The following BSDC1 variants were observed in gnomAD, a reference collection of about 807,000 sequenced individuals.
BSDC1 encodes the protein BSD domain-containing protein 1.
Under a neutral mutation model 56.0 loss-of-function variants are expected in BSDC1, and 29 were observed. The observed-to-expected ratio is 0.52, with a 90% CI of 0.39 to 0.71. The LOEUF is 0.71. Among genes scored for constraint, BSDC1 ranks in the 30% least tolerant of loss-of-function variants. The pLI is 0.00. For missense variants in BSDC1, 477 were observed against 548.5 expected (o/e 0.87, Z 1.30); for synonymous variants, 210 against 215.3 (o/e 0.98, Z 0.21).
chr1:32,387,490 C>T (rs1271888140), intron 2 of BSDC1, among the ~76,000 whole-genome samples: 5 of 152,048 alleles, frequency 3.3e-5, no homozygotes, highest in African/African-American at 4.8e-5. Flanking sequence ...TACAGGCATG[C>T]GCCACCACGC....
chr1:32,386,674 T>A (rs1167217873), intron 3 of BSDC1, 105 bp downstream of exon 3: 1 of 685,686 alleles, frequency 1.5e-6, no homozygotes, highest in East Asian at 3.0e-5. Context: ...TCCACATATT[T>A]TTCCCCATAT....
At chr1:32,369,471 T>C in intron 9 of BSDC1, 5 of 350,272 alleles carry the variant, frequency 1.4e-5, no homozygotes, top group South Asian at 1.2e-4. Flanking sequence ...ATCATGCCAC[T>C]GCAGTCCAGC....
chr1:32,373,520 T>C (rs1259858343), intron 9 of BSDC1, among the ~76,000 whole-genome samples: 1 of 152,160 alleles, frequency 6.6e-6, no homozygotes, highest in Non-Finnish European at 1.5e-5. Flanking sequence ...ATATACTTTC[T>C]TTTCTTTCCT....
At chr1:32,386,940 A>T in intron 2 of BSDC1, 45 bp from the exon 3 acceptor site, 3 of 1,478,240 alleles carry the variant, frequency 2.0e-6, no homozygotes, top group Non-Finnish European at 2.8e-6. Flanking sequence ...TGGCCCCACC[A>T]CCCCTTGTTC....
chr1:32,368,431 C>G lies in BSDC1; in HGVS notation c.1260+16G>C, dbSNP rs761986602. 18 of 1,614,024 alleles carry G rather than the reference C, an allele frequency of 1.1e-5. No individual in the cohort carries two copies. The highest frequency in any genetic ancestry group is 1.5e-5 in the Non-Finnish European group (18 of 1,180,024). ...CCATTAGGCTCGCTTCCCTCTGACC[C>G]ACCAGGCCCACTCACCTCCCCGGAG... On this transcript the variant is annotated intron_variant, in intron 10 of 10. Transcript: ENST00000455895.
chr1:32,393,994 A>G, intron 2 of BSDC1, 86 bp downstream of exon 2: 1 of 1,421,176 alleles, frequency 7.0e-7, no homozygotes, highest in Non-Finnish European at 9.7e-7. Flanking sequence ...TAGCGCCCGC[A>G]AAAGTTGGGC....
chr1:32,374,737 A>G (rs1173426277), intron 9 of BSDC1: 1 of 152,300 alleles, frequency 6.6e-6, no homozygotes, highest in African/African-American at 2.4e-5. Context: ...AGCACCGCAG[A>G]TGTCCAGAGA....
chr1:32,373,471 G>C (rs2148115577), intron 9 of BSDC1, among the ~76,000 whole-genome samples: 1 of 152,164 alleles, frequency 6.6e-6, no homozygotes, highest in Non-Finnish European at 1.5e-5. Context: ...CCCGTACTCA[G>C]CTCAGATTCC....
In BSDC1 at chr1:32,366,675, T is replaced by C. The variant is rs1389128934; in HGVS notation, c.1261-21A>G. On this transcript the variant is annotated intron_variant, in intron 10 of 10. Coordinates refer to ENST00000455895, the MANE Select transcript of BSDC1 (RefSeq NM_018045.8). ...TCCAGCTGCAAATGGGAGGGGGTAA[T>C]GGAAATCACAAACACATAGTTACTC... is the stretch of plus-strand genomic sequence containing the variant. 2.2e-5 allele frequency: 32 copies of C among 1,460,070 alleles called. No homozygotes were observed. In the South Asian group the frequency reaches 4.1e-4, roughly 18 times the overall value. The allele number at this position is 1,460,070 out of a possible 1,614,324, so 90.4% of individuals were successfully genotyped here. A position where few individuals can be genotyped will look rare whatever the true frequency, so the allele number is the denominator to read the frequency against.
intron 2 of BSDC1, among the ~76,000 whole-genome samples, chr1:32,389,092 C>T (rs1394078158): frequency 6.6e-6 from 1 of 151,924 alleles, no homozygotes; most frequent in Non-Finnish European, 1.5e-5. Context: ...GTAGCTGGGA[C>T]TACAGGCGCC....
At chr1:32,375,690 GTTTA>G (rs1381924245) in intron 9 of BSDC1, among the ~76,000 whole-genome samples, 2 of 152,126 alleles carry the variant, frequency 1.3e-5, no homozygotes, top group Non-Finnish European at 2.9e-5. Flanking sequence ...TATGAGTTTT[GTTTA>G]TATATTTCAT....
rs115205673 is a variant in BSDC1 at position 32,374,464 on chromosome 1, T to G, written c.1156+1798A>C. Among the ~76,000 whole-genome samples the G allele has an allele frequency of 9.3e-3, 1,414 of 152,328 alleles. 22 individuals carry two copies. The highest frequency in any genetic ancestry group is 0.032 in the African/African-American group (1,350 of 41,578). On this transcript the variant is annotated intron_variant, in intron 9 of 10. Transcript: ENST00000455895. ...GCCTTAGCATCCATGCTCTGCTGCT[T>G]TATGGCCCCAAGGCCAACCTTCTGA...
At chr1:32,388,039 C>G (rs894473348) in intron 2 of BSDC1, among the ~76,000 whole-genome samples, 1 of 152,196 alleles carries the variant, frequency 6.6e-6, no homozygotes, top group Non-Finnish European at 1.5e-5. Flanking sequence ...AGAAAGCAGA[C>G]CCTCAGCTCA....
Position 32,378,424 on chromosome 1 carries a change from C to A in BSDC1, c.529-141G>T. 2.4e-6 allele frequency: 2 copies of A among 835,238 alleles called. No homozygotes were observed. Among genetic ancestry groups the A allele is most frequent in the Non-Finnish European group, 3.9e-6 (2 of 516,054 alleles). 51.7% of individuals were successfully genotyped at this position (835,238 alleles called of 1,614,324 possible). ...AGCAGTGACAGTCAGAGCACTTCCA[C>A]CCCCACCAAAGTTTCAGCCAGACCC... On this transcript the variant is annotated intron_variant, in intron 6 of 10. Transcript: ENST00000455895. The surrounding 1 kb of genome is among the most constrained non-coding windows in gnomAD (Gnocchi z 5.2).
Position 32,376,399 on chromosome 1 carries a change from G to C in BSDC1, c.1019C>G (p.Ala340Gly). 6.2e-7 allele frequency: 1 copy of C among 1,613,776 alleles called. No homozygotes were observed. Among genetic ancestry groups the C allele is most frequent in the Non-Finnish European group, 8.5e-7 (1 of 1,179,750 alleles). Reference sequence around the variant, plus strand: ...GGGCTCTGGGCCGCCGGTGTGGCCAGCAGGCGTTAGGGGCTTGGAGTGAAT... The same window carrying C: ...GGGCTCTGGGCCGCCGGTGTGGCCACCAGGCGTTAGGGGCTTGGAGTGAAT... Reference protein sequence around the residue: ...PPIHSKPLTPAGHTGGPEPRP... With the variant: ...PPIHSKPLTPGGHTGGPEPRP... Residue 340 changes from alanine (A) to glycine (G), a missense_variant, in exon 9 of 11, where the codon GCT (alanine) becomes GGT (glycine). Physicochemically the swap from Ala to Gly is moderately conservative, Grantham distance 60. Transcript: ENST00000455895.
At chr1:32,388,119 C>T (rs2148139811) in intron 2 of BSDC1, among the ~76,000 whole-genome samples, 1 of 152,254 alleles carries the variant, frequency 6.6e-6, no homozygotes. Context: ...ATCTCAGTGG[C>T]CACTCCCCCT....
chr1:32,368,236 ACCCTCT>A, intron 10 of BSDC1: 1 of 1,474,120 alleles, frequency 6.8e-7, no homozygotes, highest in Non-Finnish European at 9.0e-7. Context: ...CAAGAACTTG[ACCCTCT>A]ATCCACCCTG....
chr1:32,367,714 C>G lies in BSDC1; in HGVS notation c.1260+733G>C, dbSNP rs372141492. On this transcript the variant is annotated intron_variant, in intron 10 of 10. Coordinates refer to ENST00000455895, the MANE Select transcript of BSDC1 (RefSeq NM_018045.8). ...TGAGAGGTAGTGAAGAATAACAGTA[C>G]TAAGGCCTCCTTGAGCTTAATAACT... 9 of 977,430 alleles carry G rather than the reference C, an allele frequency of 9.2e-6. No individual in the cohort carries two copies. The African/African-American group carries it at 1.6e-4, about 17-fold the overall frequency. 60.5% of individuals were successfully genotyped at this position (977,430 alleles called of 1,614,324 possible).
At chr1:32,379,239 C>T (rs1242338539) in intron 5 of BSDC1, among the ~76,000 whole-genome samples, 1 of 152,142 alleles carries the variant, frequency 6.6e-6, no homozygotes, top group Non-Finnish European at 1.5e-5. Context: ...TGGTTTCTCA[C>T]TCCTTTGTTA....
Sources: allele counts gnomAD v4.1 joint callset (sites outside exome capture counted in the v4.1 genomes callset), GRCh38; gene constraint gnomAD v4.1.1; non-coding constraint Gnocchi (gnomAD v3.1); transcripts MANE v1.5; gene names NCBI Gene and HGNC (gene_info 2026-07-23, HGNC 2026-07-21).